ZSWIM6: variants seen among roughly 807,000 people sequenced by gnomAD.
ZSWIM6 encodes the protein zinc finger SWIM-type containing 6, also known as zinc finger SWIM domain-containing protein 6.
Under a neutral mutation model 113.2 loss-of-function variants are expected in ZSWIM6, and 9 were observed. The ratio of observed to expected loss-of-function variants is 0.08; its 90% CI spans 0.05 to 0.14. ZSWIM6 has a LOEUF of 0.14. Among genes scored for constraint, ZSWIM6 ranks in the 10% least tolerant of loss-of-function variants. The pLI is 1.00. For missense variants in ZSWIM6, 1,162 were observed against 1,552.2 expected, an observed-to-expected ratio of 0.75 and a Z score of 4.22; for synonymous variants, 611 against 606.5, an observed-to-expected ratio of 1.01 and a Z score of -0.11.
intron 1 of ZSWIM6, among the ~76,000 whole-genome samples, chr5:61,432,247 C>T (rs1289318089): frequency 1.3e-5 from 2 of 152,166 alleles, no homozygotes; most frequent in Admixed American, 1.3e-4. Flanking sequence ...AATTTAGAAA[C>T]AATTGTGTAT....
At chr5:61,516,444 ATATATATATATATAAAAAC>A (rs1000188398) in intron 4 of ZSWIM6, among the ~76,000 whole-genome samples, 4 of 125,506 alleles carry the variant, frequency 3.2e-5, no homozygotes, top group Non-Finnish European at 6.3e-5. Context: ...AAAAATATAC[ATATATATATATATAAAAAC>A]TATATATATA....
intron 1 of ZSWIM6, among the ~76,000 whole-genome samples, chr5:61,342,181 T>C (rs976557287): frequency 1.3e-5 from 2 of 152,164 alleles, no homozygotes; most frequent in South Asian, 2.1e-4. Flanking sequence ...ACCCGGCCTT[T>C]AAAGCCTTTT....
At chr5:61,528,397 C>T (rs1241890090) in intron 7 of ZSWIM6, among the ~76,000 whole-genome samples, 2 of 151,606 alleles carry the variant, frequency 1.3e-5, no homozygotes, top group Non-Finnish European at 2.9e-5. Context: ...CATATATATA[C>T]ATATATATAT....
chr5:61,511,032 A>G (rs990895919), intron 4 of ZSWIM6, among the ~76,000 whole-genome samples: 6 of 152,192 alleles, frequency 3.9e-5, no homozygotes, highest in African/African-American at 1.4e-4. Flanking sequence ...GGGACTCTGA[A>G]TTAATAAAAT....
intron 4 of ZSWIM6, among the ~76,000 whole-genome samples, chr5:61,513,567 G>T (rs572389273): frequency 6.6e-6 from 1 of 152,116 alleles, no homozygotes; most frequent in South Asian, 2.1e-4. Context: ...AGGTTACAAT[G>T]ATTTTCTCCT....
chr5:61,543,558 C>T lies in ZSWIM6; in HGVS notation c.2889C>T (p.Ile963=), dbSNP rs368680326. The T allele has an allele frequency of 1.7e-5, 27 of 1,551,548 alleles. No individual in the cohort carries two copies. The highest frequency in any genetic ancestry group is 1.7e-4 in the South Asian group (14 of 84,044). ...VATTVMSNST[I]VRLHLDCHQQ... is the part of the protein sequence containing the mutation. ...CTACCGTGATGTCCAACAGCACCAT[C>T]GTCCGCCTCCACCTGGACTGCCACC... Residue 963 remains isoleucine, a synonymous_variant, in exon 14 of 14, where the codon ATC becomes ATT. Coordinates refer to ENST00000252744, the MANE Select transcript of ZSWIM6 (RefSeq NM_020928.2). This position sits in a 1 kb window ranked among gnomAD's most constrained non-coding sequence, Gnocchi z 4.3.
intron 1 of ZSWIM6, among the ~76,000 whole-genome samples, chr5:61,416,633 G>A (rs1453503449): frequency 6.6e-6 from 1 of 152,236 alleles, no homozygotes; most frequent in African/African-American, 2.4e-5. Flanking sequence ...CTCTTGGAGT[G>A]ATTTAGTTTA....
intron 1 of ZSWIM6, among the ~76,000 whole-genome samples, chr5:61,369,706 A>C (rs1745224916): frequency 6.6e-6 from 1 of 152,190 alleles, no homozygotes; most frequent in Non-Finnish European, 1.5e-5. Context: ...TACCTCCTCA[A>C]GCACAGCTCT....
chr5:61,421,067 AC>A (rs1357219412), intron 1 of ZSWIM6, among the ~76,000 whole-genome samples: 2 of 151,708 alleles, frequency 1.3e-5, no homozygotes, highest in Non-Finnish European at 2.9e-5. Context: ...TTACCGGCGC[AC>A]CCTGCTCAGC....
intron 1 of ZSWIM6, among the ~76,000 whole-genome samples, chr5:61,407,346 A>G (rs1025146342): frequency 1.1e-4 from 16 of 152,254 alleles, no homozygotes; most frequent in Admixed American, 2.0e-4. Context: ...AAACATAAAA[A>G]TATTTGAAGA....
At chr5:61,541,805 C>G in intron 12 of ZSWIM6, 79 bp from the exon 13 acceptor site, 1 of 1,177,892 alleles carries the variant, frequency 8.5e-7, no homozygotes, top group Non-Finnish European at 1.2e-6. Context: ...GCCTTATATG[C>G]CTTATAGTTT....
intron 1 of ZSWIM6, among the ~76,000 whole-genome samples, chr5:61,428,032 T>A (rs1746498380): frequency 6.6e-6 from 1 of 152,136 alleles, no homozygotes; most frequent in Non-Finnish European, 1.5e-5. Flanking sequence ...AATTTCTGCT[T>A]ACTTTGAAAA....
In ZSWIM6 at chr5:61,375,275, C is replaced by G. The variant is rs1009076070; in HGVS notation, c.676+42327C>G. On this transcript the variant is annotated intron_variant, in intron 1 of 13. Transcript: ENST00000252744. ...CAACTAGAAAAGGAAAAGAAAGGCTCCAAGGCTTTGGCTGAATTTGAAGAA... is the reference window on the plus strand; with the variant it reads ...CAACTAGAAAAGGAAAAGAAAGGCTGCAAGGCTTTGGCTGAATTTGAAGAA... The G allele has an allele frequency of 3.1e-6, 5 of 1,611,720 alleles. No individual in the cohort carries two copies. In the Admixed American group the frequency reaches 8.3e-5, roughly 27 times the overall value.
intron 1 of ZSWIM6, among the ~76,000 whole-genome samples, chr5:61,338,481 T>C (rs529274775): frequency 1.0e-3 from 158 of 152,346 alleles, no homozygotes; most frequent in Admixed American, 1.4e-3. Context: ...TTTATTGTTC[T>C]TTTGTGTGAG....
At chr5:61,365,925 C>G (rs1745139626) in intron 1 of ZSWIM6, among the ~76,000 whole-genome samples, 1 of 151,386 alleles carries the variant, frequency 6.6e-6, no homozygotes, top group South Asian at 2.1e-4. Context: ...TATCAGGTGT[C>G]TTTTTTTTTA....
intron 1 of ZSWIM6, among the ~76,000 whole-genome samples, chr5:61,423,422 A>AC (rs1056574907): frequency 3.6e-4 from 49 of 135,046 alleles, no homozygotes; most frequent in Admixed American, 1.4e-3. Flanking sequence ...AAAAAAACAC[A>AC]AAAAAAAAAC....
chr5:61,413,107 G>A (rs1381572821), intron 1 of ZSWIM6, among the ~76,000 whole-genome samples: 3 of 150,454 alleles, frequency 2.0e-5, no homozygotes, highest in Non-Finnish European at 4.4e-5. Context: ...GTGCCATGCT[G>A]GTGTGCTGCA....
At chr5:61,367,655 CTG>C (rs1005274648) in intron 1 of ZSWIM6, among the ~76,000 whole-genome samples, 57 of 152,294 alleles carry the variant, frequency 3.7e-4, no homozygotes, top group African/African-American at 1.4e-3. Flanking sequence ...TAGTCAGAGT[CTG>C]GAGTCTATGC....
At chr5:61,362,908 CAG>C (rs1393752349) in intron 1 of ZSWIM6, among the ~76,000 whole-genome samples, 1 of 152,202 alleles carries the variant, frequency 6.6e-6, no homozygotes, top group African/African-American at 2.4e-5. Flanking sequence ...ATAACAGAAA[CAG>C]ATTTTCACAA....
Sources: allele counts gnomAD v4.1 joint callset (sites outside exome capture counted in the v4.1 genomes callset), GRCh38; gene constraint gnomAD v4.1.1; non-coding constraint Gnocchi (gnomAD v3.1); transcripts MANE v1.5; gene names NCBI Gene and HGNC (gene_info 2026-07-23, HGNC 2026-07-21).